CNOT2: variants seen among roughly 807,000 people sequenced by gnomAD.
The protein encoded by CNOT2 is CC chemokine receptor 4-negative regulator of transcription 2.
CNOT2 carries 7 observed loss-of-function variants against 72.1 expected under a neutral mutation model. The ratio of observed to expected loss-of-function variants is 0.10; its 90% CI spans 0.06 to 0.18. CNOT2 has a LOEUF of 0.18. CNOT2 is among the 10% of genes least tolerant of loss of function. The pLI, the probability that CNOT2 is intolerant of heterozygous loss-of-function variation, is 1.00. For synonymous variants in CNOT2, 196 were observed against 225.6 expected (o/e 0.87, Z 1.17); for missense variants, 345 against 660.3 (o/e 0.52, Z 5.23).
At chr12:70,328,089 A>G (rs1041085513) in intron 4 of CNOT2, among the ~76,000 whole-genome samples, 22 of 152,030 alleles carry the variant, frequency 1.4e-4, no homozygotes, top group African/African-American at 4.1e-4. Flanking sequence ...ACAGAAAGGC[A>G]GGACCAAGCT....
At chr12:70,312,297 G>A (rs543967908) in intron 3 of CNOT2, among the ~76,000 whole-genome samples, 8 of 151,902 alleles carry the variant, frequency 5.3e-5, no homozygotes, top group South Asian at 2.1e-4. Flanking sequence ...TAGTATCGCC[G>A]CAGAAACGAA....
chr12:70,261,635 A>G (rs1017410342), intron 1 of CNOT2, among the ~76,000 whole-genome samples: 4 of 151,608 alleles, frequency 2.6e-5, no homozygotes, highest in Admixed American at 6.6e-5. Context: ...GCCTATTTTC[A>G]TAAGATATAT....
chr12:70,265,984 A>G (rs1959019914), intron 1 of CNOT2, among the ~76,000 whole-genome samples: 1 of 146,966 alleles, frequency 6.8e-6, no homozygotes, highest in Admixed American at 6.9e-5. Context: ...AAATATTTGT[A>G]TGAATTCAAT....
At chr12:70,266,107 A>G (rs939890769) in intron 1 of CNOT2, among the ~76,000 whole-genome samples, 2 of 148,332 alleles carry the variant, frequency 1.3e-5, no homozygotes, top group Non-Finnish European at 3.0e-5. Flanking sequence ...TTGTATTATT[A>G]TTATTATTAT....
chr12:70,277,326 T>C lies in CNOT2; in HGVS notation c.-95-806T>C, dbSNP rs545854813. 2.6e-5 allele frequency among the ~76,000 whole-genome samples: 4 copies of C among 152,302 alleles called. No homozygotes were observed. In the East Asian group the frequency reaches 5.8e-4, roughly 22 times the overall value. On this transcript the variant is annotated intron_variant, in intron 1 of 15. Transcript: ENST00000229195. Reference sequence around the variant, plus strand: ...ATATTCATTTTAAAGACAGCATTTCTTGTGACTGTCACCTCAGCTTCAGTG... The same window carrying C: ...ATATTCATTTTAAAGACAGCATTTCCTGTGACTGTCACCTCAGCTTCAGTG...
intron 2 of CNOT2, among the ~76,000 whole-genome samples, chr12:70,291,910 C>T (rs984521611): frequency 6.6e-6 from 1 of 152,172 alleles, no homozygotes. Context: ...GCACTCCAGT[C>T]TGGGCGACAG....
intron 4 of CNOT2, among the ~76,000 whole-genome samples, chr12:70,320,290 A>G (rs956326229): frequency 6.6e-6 from 1 of 151,778 alleles, no homozygotes; most frequent in African/African-American, 2.4e-5. Context: ...CAGTATAATG[A>G]AAAGCAAAGT....
intron 3 of CNOT2, among the ~76,000 whole-genome samples, chr12:70,314,030 A>G (rs1876910242): frequency 6.6e-6 from 1 of 152,146 alleles, no homozygotes; most frequent in South Asian, 2.1e-4. Flanking sequence ...TTTTAAAAAA[A>G]TGGTTTTTGA....
intron 2 of CNOT2, among the ~76,000 whole-genome samples, chr12:70,287,431 G>A (rs571860798): frequency 2.0e-5 from 3 of 148,930 alleles, no homozygotes; most frequent in Admixed American, 6.9e-5. Context: ...TTAATCTTAC[G>A]TTTTTAATTT....
chr12:70,247,562 C>G (rs1313269155), intron 1 of CNOT2, among the ~76,000 whole-genome samples: 1 of 152,112 alleles, frequency 6.6e-6, no homozygotes, highest in Non-Finnish European at 1.5e-5. Flanking sequence ...TGAACTTCTT[C>G]CATACTCCTC....
chr12:70,284,476 C>A (rs1393437320), intron 2 of CNOT2, among the ~76,000 whole-genome samples: 1 of 152,080 alleles, frequency 6.6e-6, no homozygotes, highest in Non-Finnish European at 1.5e-5. Context: ...AAACTCCTGA[C>A]CTCAGGTGAT....
At chr12:70,339,053 T>TGTGTGTGC (rs1881113904) in intron 11 of CNOT2, among the ~76,000 whole-genome samples, 1 of 138,126 alleles carries the variant, frequency 7.2e-6, no homozygotes, top group African/African-American at 2.8e-5. Flanking sequence ...TGTGTGTGCA[T>TGTGTGTGC]GTGCATGTAT....
chr12:70,336,150 A>G (rs1194104930), intron 8 of CNOT2: 1 of 152,202 alleles, frequency 6.6e-6, no homozygotes, highest in African/African-American at 2.4e-5. Flanking sequence ...TGACAGACAC[A>G]AATGTTTTCA....
At chr12:70,321,698 C>G (rs911708650) in intron 4 of CNOT2, 1 of 151,692 alleles carries the variant, frequency 6.6e-6, no homozygotes, top group Non-Finnish European at 1.5e-5. Context: ...GATCTACTAT[C>G]TATTGTATGT....
chr12:70,325,317 G>A (rs1404698203), intron 4 of CNOT2, among the ~76,000 whole-genome samples: 2 of 151,776 alleles, frequency 1.3e-5, no homozygotes, highest in African/African-American at 4.8e-5. Flanking sequence ...TGCACCCATG[G>A]AAACACCTGG....
At chr12:70,291,489 A>G (rs997792881) in intron 2 of CNOT2, among the ~76,000 whole-genome samples, 3 of 152,222 alleles carry the variant, frequency 2.0e-5, no homozygotes, top group African/African-American at 7.2e-5. Flanking sequence ...AGTTTGAGCC[A>G]CTAGTCTTCA....
chr12:70,266,018 T>TA (rs34379204), intron 1 of CNOT2, among the ~76,000 whole-genome samples: 8 of 148,342 alleles, frequency 5.4e-5, no homozygotes, highest in Non-Finnish European at 9.0e-5. Flanking sequence ...TTTTTTTTTT[T>TA]AAAAGAACTA....
At chr12:70,272,063 G>C (rs1375487594) in intron 1 of CNOT2, among the ~76,000 whole-genome samples, 1 of 152,166 alleles carries the variant, frequency 6.6e-6, no homozygotes, top group Admixed American at 6.5e-5. Flanking sequence ...CCTTCCGGTT[G>C]CTGGTCTTTT....
chr12:70,273,891 G>A (rs1030741790), intron 1 of CNOT2, among the ~76,000 whole-genome samples: 1 of 152,072 alleles, frequency 6.6e-6, no homozygotes, highest in Non-Finnish European at 1.5e-5. Context: ...TGTGGAAAAT[G>A]GAAGACACAT....
Sources: gnomAD v4.1 joint callset for allele counts (sites outside exome capture counted in the v4.1 genomes callset) on GRCh38, gnomAD v4.1.1 for gene constraint, MANE v1.5 for transcripts, NCBI Gene and HGNC (gene_info 2026-07-23, HGNC 2026-07-21) for gene names.